TNRC6C: variants seen among roughly 807,000 people sequenced by gnomAD.
TNRC6C encodes the protein trinucleotide repeat-containing gene 6C protein.
Under a neutral mutation model 153.7 loss-of-function variants are expected in TNRC6C, and 20 were observed. That is an observed-to-expected ratio of 0.13 (90% confidence interval 0.09 to 0.19). TNRC6C has a LOEUF of 0.19. TNRC6C is among the 10% of genes least tolerant of loss of function. The probability of loss-of-function intolerance (pLI) is 1.00; values close to 1 mark genes in which losing one functional copy is unlikely to be tolerated. For synonymous variants in TNRC6C, 811 were observed against 841.4 expected, an observed-to-expected ratio of 0.96 and a Z score of 0.63; for missense variants, 1,987 against 2,172.0, an observed-to-expected ratio of 0.91 and a Z score of 1.69.
chr17:78,012,515 TC>T (rs963085951), intron 1 of TNRC6C, among the ~76,000 whole-genome samples: 1 of 152,200 alleles, frequency 6.6e-6, no homozygotes, highest in African/African-American at 2.4e-5. Flanking sequence ...TTAAAAAAGT[TC>T]CCTGTTCTCA....
intron 17 of TNRC6C, among the ~76,000 whole-genome samples, chr17:78,098,799 T>C (rs563455855): frequency 6.6e-6 from 1 of 152,104 alleles, no homozygotes; most frequent in Non-Finnish European, 1.5e-5. Context: ...CCAGCACCCA[T>C]TGAGGGCCCA....
chr17:78,104,429 C>T lies in TNRC6C; in HGVS notation c.4713-56C>T, dbSNP rs1304568475. The T allele has an allele frequency of 9.1e-6, 13 of 1,424,810 alleles. No homozygotes were observed. Among genetic ancestry groups the T allele is most frequent in the Middle Eastern group, 3.7e-4 (2 of 5,356 alleles). 88.3% of individuals were successfully genotyped at this position (1,424,810 alleles called of 1,614,324 possible). A position where few individuals can be genotyped will look rare whatever the true frequency, so the allele number is the denominator to read the frequency against. ...CCCAATACAGAGAAAGCCAGTGCCA[C>T]GAACTCAGCAGGACTTGGGGTGGCC... On this transcript the variant is annotated intron_variant, in intron 19 of 19. Coordinates refer to ENST00000301624, the Ensembl canonical transcript of TNRC6C. This position sits in a 1 kb window ranked among gnomAD's most constrained non-coding sequence, Gnocchi z 6.2.
chr17:78,077,132 C>T, intron 8 of TNRC6C, 53 bp from the exon 11 acceptor site: 3 of 1,546,406 alleles, frequency 1.9e-6, no homozygotes, highest in Non-Finnish European at 2.6e-6. Context: ...CTGTTTGGTG[C>T]TTTGTCTGCT....
chr17:78,080,724 T>TA (rs2073165292), intron 10 of TNRC6C, among the ~76,000 whole-genome samples: 1 of 152,176 alleles, frequency 6.6e-6, no homozygotes. Flanking sequence ...GAAGGTTGAC[T>TA]GGAGCCCTGC....
At chr17:78,042,842 G>A (rs549684656) in intron 2 of TNRC6C, among the ~76,000 whole-genome samples, 1 of 152,112 alleles carries the variant, frequency 6.6e-6, no homozygotes, top group East Asian at 1.9e-4. Context: ...GGTGATGGTG[G>A]TGGTGGTGAT....
chr17:77,965,400 G>A (rs2070889362), intron 1 of TNRC6C, among the ~76,000 whole-genome samples: 1 of 152,212 alleles, frequency 6.6e-6, no homozygotes, highest in African/African-American at 2.4e-5. Flanking sequence ...TAGGAGCTGT[G>A]ATTATATTCA....
intron 1 of TNRC6C, among the ~76,000 whole-genome samples, chr17:77,964,736 T>G (rs1451002725): frequency 6.6e-6 from 1 of 152,144 alleles, no homozygotes; most frequent in African/African-American, 2.4e-5. Context: ...TGGACAACGG[T>G]TATTCAGAAA....
chr17:78,106,745 CAA>C (rs1478697364), exon 20 of TNRC6C: 2 of 151,760 alleles, frequency 1.3e-5, no homozygotes, highest in African/African-American at 2.4e-5. Context: ...GGAAGAAAGA[CAA>C]TGGAATAACA....
intron 3 of TNRC6C, among the ~76,000 whole-genome samples, chr17:78,057,224 G>A (rs1306939071): frequency 6.6e-6 from 1 of 152,008 alleles, no homozygotes; most frequent in African/African-American, 2.4e-5. Flanking sequence ...TCTACCACTG[G>A]CATAAAGTGG....
chr17:78,029,948 A>G (rs1479157111), intron 1 of TNRC6C, among the ~76,000 whole-genome samples: 2 of 152,144 alleles, frequency 1.3e-5, no homozygotes, highest in Admixed American at 6.5e-5. Flanking sequence ...TGTGATAACA[A>G]TGACTTCTGG....
chr17:78,056,073 C>G (rs2072647546), intron 3 of TNRC6C, among the ~76,000 whole-genome samples: 1 of 151,828 alleles, frequency 6.6e-6, no homozygotes, highest in South Asian at 2.1e-4. Flanking sequence ...TGGTCTCAAA[C>G]TCCTGGCCTC....
chr17:78,006,495 C>CT (rs2071501523), intron 1 of TNRC6C, among the ~76,000 whole-genome samples: 1 of 4,664 alleles, frequency 2.1e-4, no homozygotes, highest in African/African-American at 5.4e-4. Flanking sequence ...CTTCTTCTTT[C>CT]TTCTTCTTCT....
At chr17:78,069,641 A>C (rs1399529445) in intron 5 of TNRC6C, among the ~76,000 whole-genome samples, 2 of 152,208 alleles carry the variant, frequency 1.3e-5, no homozygotes, top group African/African-American at 4.8e-5. Context: ...TAAAAAGATA[A>C]CAATAATTTA....
intron 1 of TNRC6C, among the ~76,000 whole-genome samples, chr17:78,012,531 G>T (rs1371758074): frequency 6.6e-6 from 1 of 152,204 alleles, no homozygotes; most frequent in Non-Finnish European, 1.5e-5. Flanking sequence ...TTCTCAAAGA[G>T]ATATTTTAGT....
intron 1 of TNRC6C, among the ~76,000 whole-genome samples, chr17:78,027,352 G>C (rs2071961628): frequency 1.3e-5 from 2 of 152,164 alleles, no homozygotes; most frequent in African/African-American, 4.8e-5. Context: ...ATGTTCAAGT[G>C]ATGATGAGAA....
intron 1 of TNRC6C, among the ~76,000 whole-genome samples, chr17:77,987,941 A>C (rs1030354175): frequency 3.3e-5 from 5 of 152,046 alleles, no homozygotes; most frequent in African/African-American, 1.2e-4. Flanking sequence ...TGGCCTCTCA[A>C]AGTGCTGGGA....
At chr17:77,980,850 C>T (rs1157629499) in intron 1 of TNRC6C, among the ~76,000 whole-genome samples, 1 of 152,184 alleles carries the variant, frequency 6.6e-6, no homozygotes, top group Non-Finnish European at 1.5e-5. Context: ...ATGCCTAGAA[C>T]AAGGTATGGG....
intron 1 of TNRC6C, chr17:78,008,728 C>T (rs1344036935): frequency 6.6e-6 from 1 of 152,042 alleles, no homozygotes; most frequent in Non-Finnish European, 1.5e-5. Context: ...ATTTTTCCCT[C>T]CTGTGATGAA....
Position 78,104,938 on chromosome 17 carries a change from C to T in TNRC6C, c.*93C>T, listed in dbSNP as rs930328673. On this transcript the variant is annotated 3_prime_UTR_variant, in exon 20 of 20. Coordinates refer to ENST00000301624, the Ensembl canonical transcript of TNRC6C. This position sits in a 1 kb window ranked among gnomAD's most constrained non-coding sequence, Gnocchi z 6.2. ...AGACCCGCTGGAACCCAGCAGCGGC[C>T]GCCCTTTTGAGTACCTCTGTCCAGG... 8.8e-6 allele frequency: 12 copies of T among 1,363,428 alleles called. No individual in the cohort carries two copies. Among genetic ancestry groups the T allele is most frequent in the Admixed American group, 3.5e-5 (1 of 28,224 alleles). 84.5% of individuals were successfully genotyped at this position (1,363,428 alleles called of 1,614,324 possible).
Sources: gnomAD v4.1 joint callset for allele counts (sites outside exome capture counted in the v4.1 genomes callset) on GRCh38, gnomAD v4.1.1 for gene constraint, Gnocchi (gnomAD v3.1) non-coding constraint, MANE v1.5 for transcripts, NCBI Gene and HGNC (gene_info 2026-07-23, HGNC 2026-07-21) for gene names.